The following SNX25 variants were observed in gnomAD, a reference collection of about 807,000 sequenced individuals.
SNX25 encodes the protein sorting nexin-25.
SNX25 carries 62 observed loss-of-function variants against 113.7 expected under a neutral mutation model. The observed-to-expected ratio is 0.55, with a 90% CI of 0.44 to 0.67. The LOEUF is 0.67. Ranked by LOEUF, SNX25 falls within the 30% of genes least tolerant of loss-of-function variation. The pLI is 0.00. For synonymous variants in SNX25, 421 were observed against 436.2 expected, an observed-to-expected ratio of 0.97 and a Z score of 0.43; for missense variants, 1,014 against 1,161.0, an observed-to-expected ratio of 0.87 and a Z score of 1.84.
chr4:185,347,415 G>C (rs934588839), intron 13 of SNX25, among the ~76,000 whole-genome samples: 1 of 151,938 alleles, frequency 6.6e-6, no homozygotes, highest in African/African-American at 2.4e-5. Flanking sequence ...GGGTGTAGTA[G>C]TATCTCATTG....
chr4:185,358,597 G>A (rs1004048158), intron 16 of SNX25, among the ~76,000 whole-genome samples: 4 of 152,140 alleles, frequency 2.6e-5, no homozygotes, highest in Non-Finnish European at 4.4e-5. Flanking sequence ...GTGAAGAAGT[G>A]GAACCAAAGA....
intron 5 of SNX25, among the ~76,000 whole-genome samples, chr4:185,271,371 G>A (rs1325193626): frequency 2.0e-5 from 3 of 152,114 alleles, no homozygotes; most frequent in Non-Finnish European, 4.4e-5. Context: ...CTCTGCCTCC[G>A]GGTTTAAGCG....
At chr4:185,323,429 A>G in intron 8 of SNX25, 99 bp from the exon 9 acceptor site, 3 of 1,213,496 alleles carry the variant, frequency 2.5e-6, no homozygotes, top group Non-Finnish European at 3.5e-6. Context: ...TGCATCTTAA[A>G]TGTCTTTCTT....
At chr4:185,321,306 A>G (rs2095118307) in intron 8 of SNX25, among the ~76,000 whole-genome samples, 1 of 142,380 alleles carries the variant, frequency 7.0e-6, no homozygotes, top group South Asian at 2.2e-4. Flanking sequence ...TCTTTTACCC[A>G]GGCTGGAGTG....
At chr4:185,367,119 G>A (rs2095390535), downstream of SNX25, 2 of 1,394,402 alleles carry the variant, frequency 1.4e-6, no homozygotes, top group African/African-American at 1.4e-5. Flanking sequence ...CATAGCTACT[G>A]TAAAAATACA....
In SNX25 at chr4:185,247,344, AATTTC is replaced by A; in HGVS notation, c.481_485del (p.Ile161SerfsTer2). ...AGTCAGCTCAGTCTAGAAGGGTAGT[AATTTC>A]TCATAATATGGATAAAGCTCTGAAA... On this transcript the variant is annotated frameshift_variant, in exon 2 of 19. Coordinates refer to ENST00000652585, the MANE Select transcript of SNX25 (RefSeq NM_001378034.2). LOFTEE classifies it high-confidence loss of function. The A allele has an allele frequency of 6.2e-7, 1 of 1,610,726 alleles. No homozygotes were observed. Among genetic ancestry groups the A allele is most frequent in the Non-Finnish European group, 8.5e-7 (1 of 1,177,448 alleles).
Position 185,210,071 on chromosome 4 carries a change from C to T in SNX25, c.245C>T (p.Ala82Val). Residue 82 changes from alanine (A) to valine (V), a missense_variant, in exon 1 of 19, where the codon GCG becomes GTG. Coordinates refer to ENST00000652585, the MANE Select transcript of SNX25 (RefSeq NM_001378034.2). The surrounding 1 kb of genome is among the most constrained non-coding windows in gnomAD (Gnocchi z 4.4). ...SFLGPGSGEA[A>V]GAAGLSSVLF... ...CTGGGGCCCGGCAGCGGGGAGGCGG[C>T]GGGGGCCGCGGGGCTGAGCTCCGTC... 1.0e-6 allele frequency: 1 copy of T among 983,918 alleles called. No homozygotes were observed. Among genetic ancestry groups the T allele is most frequent in the Non-Finnish European group, 1.2e-6 (1 of 829,406 alleles). The allele number at this position is 983,918 out of a possible 1,614,324, so 60.9% of individuals were successfully genotyped here. A position where few individuals can be genotyped will look rare whatever the true frequency, so the allele number is the denominator to read the frequency against.
intron 6 of SNX25, among the ~76,000 whole-genome samples, chr4:185,309,616 A>G (rs191756542): frequency 2.0e-5 from 3 of 151,676 alleles, no homozygotes; most frequent in Non-Finnish European, 4.4e-5. Flanking sequence ...TCGGCAACCT[A>G]CCCTCTACCC....
intron 1 of SNX25, among the ~76,000 whole-genome samples, 162 bp from the exon 2 acceptor site, chr4:185,247,132 T>C (rs775644307): frequency 5.1e-4 from 77 of 152,306 alleles, no homozygotes; most frequent in Non-Finnish European, 9.1e-4. Context: ...TTCCAAAAAA[T>C]TTTAACCTTA....
intron 5 of SNX25, among the ~76,000 whole-genome samples, chr4:185,276,647 G>A: frequency 6.6e-6 from 1 of 152,132 alleles, no homozygotes; most frequent in East Asian, 1.9e-4. Context: ...AACAGCCTGG[G>A]CAACATAGTG....
downstream of SNX25, chr4:185,372,769 A>T: frequency 8.6e-7 from 1 of 1,162,530 alleles, no homozygotes; most frequent in Non-Finnish European, 1.2e-6. Flanking sequence ...GGCCTCTGGA[A>T]CTGTGAGAAA....
intron 10 of SNX25, 127 bp from the exon 11 acceptor site, chr4:185,339,252 G>T: frequency 4.0e-6 from 3 of 758,788 alleles, no homozygotes; most frequent in East Asian, 2.9e-5. Flanking sequence ...TTTTGTTTTT[G>T]GATTATTCAC....
chr4:185,373,365 G>A (rs761981061), downstream of SNX25, among the ~76,000 whole-genome samples: 6 of 152,156 alleles, frequency 3.9e-5, no homozygotes, highest in Non-Finnish European at 8.8e-5. Flanking sequence ...GATCTTCAGA[G>A]TAAGGATCAG....
intron 5 of SNX25, among the ~76,000 whole-genome samples, chr4:185,276,393 T>G (rs1185382877): frequency 6.6e-6 from 1 of 152,244 alleles, no homozygotes; most frequent in Non-Finnish European, 1.5e-5. Flanking sequence ...TATTTATTTT[T>G]GGGGTTTGAG....
At chr4:185,342,515 T>G (rs913435663) in intron 12 of SNX25, among the ~76,000 whole-genome samples, 1 of 150,732 alleles carries the variant, frequency 6.6e-6, no homozygotes, top group South Asian at 2.1e-4. Flanking sequence ...GCTTGGAGGA[T>G]TCTATCACAT....
chr4:185,210,498 GCT>G lies in SNX25; in HGVS notation c.429+246_429+247del, dbSNP rs1220447689. ...GGAGGAGATGCGCGTTATTTACTGG[GCT>G]CTGTAGTCACTCGACAACCATCCTC... On this transcript the variant is annotated intron_variant, in intron 1 of 18. Coordinates refer to ENST00000652585, the MANE Select transcript of SNX25 (RefSeq NM_001378034.2). The surrounding 1 kb of genome is among the most constrained non-coding windows in gnomAD (Gnocchi z 4.4). Among the ~76,000 whole-genome samples the G allele has an allele frequency of 6.6e-6, 1 of 151,242 alleles. No homozygotes were observed. The highest frequency in any genetic ancestry group is 1.5e-5 in the Non-Finnish European group (1 of 67,524).
chr4:185,369,194 G>A (rs1054709367), intron 11 of SNX25, among the ~76,000 whole-genome samples: 1 of 150,436 alleles, frequency 6.6e-6, no homozygotes, highest in Non-Finnish European at 1.5e-5. Flanking sequence ...ACCTGAAATC[G>A]GCTTGGTTTG....
chr4:185,320,226 C>T (rs1476442940), intron 7 of SNX25, among the ~76,000 whole-genome samples: 1 of 152,114 alleles, frequency 6.6e-6, no homozygotes, highest in Non-Finnish European at 1.5e-5. Flanking sequence ...GGAAGCAGCC[C>T]AAATGCCCAT....
chr4:185,250,320 G>T (rs930646992), intron 2 of SNX25, among the ~76,000 whole-genome samples: 2 of 152,198 alleles, frequency 1.3e-5, no homozygotes, highest in African/African-American at 2.4e-5. Flanking sequence ...AGTAGTTGGA[G>T]TATCTGCTCA....
Sources: gnomAD v4.1 joint callset for allele counts (sites outside exome capture counted in the v4.1 genomes callset) on GRCh38, gnomAD v4.1.1 for gene constraint, Gnocchi (gnomAD v3.1) non-coding constraint, MANE v1.5 for transcripts, NCBI Gene and HGNC (gene_info 2026-07-23, HGNC 2026-07-21) for gene names.